ARHGAP28: variants seen among roughly 807,000 people sequenced by gnomAD.
ARHGAP28 encodes Rho GTPase activating protein 28.
Under a neutral mutation model 90.7 loss-of-function variants are expected in ARHGAP28, and 56 were observed. The ratio of observed to expected loss-of-function variants is 0.62; its 90% CI spans 0.50 to 0.77. ARHGAP28 has a LOEUF of 0.77. Among genes scored for constraint, ARHGAP28 ranks in the 30% least tolerant of loss-of-function variants. ARHGAP28 has a pLI of 0.00. For synonymous variants in ARHGAP28, 308 were observed against 323.3 expected, an observed-to-expected ratio of 0.95 and a Z score of 0.51; for missense variants, 869 against 900.9, an observed-to-expected ratio of 0.96 and a Z score of 0.45.
At chr18:6,751,916 A>G (rs1354993175) in intron 1 of ARHGAP28, among the ~76,000 whole-genome samples, 3 of 152,216 alleles carry the variant, frequency 2.0e-5, no homozygotes, top group East Asian at 1.9e-4. Flanking sequence ...TTTCTATTAT[A>G]AGAAATAGCA....
intron 14 of ARHGAP28, among the ~76,000 whole-genome samples, chr18:6,893,662 A>G (rs1054255762): frequency 2.0e-5 from 3 of 152,110 alleles, no homozygotes; most frequent in African/African-American, 7.2e-5. Context: ...ATAATGATCT[A>G]TCTGTTTCAT....
At chr18:6,893,722 A>G (rs573539575) in intron 14 of ARHGAP28, among the ~76,000 whole-genome samples, 1 of 152,240 alleles carries the variant, frequency 6.6e-6, no homozygotes, top group East Asian at 1.9e-4. Context: ...TAAACTGTAC[A>G]TTGCTATATC....
chr18:6,786,625 A>G (rs915727481), intron 1 of ARHGAP28, among the ~76,000 whole-genome samples: 2 of 152,186 alleles, frequency 1.3e-5, no homozygotes, highest in Non-Finnish European at 2.9e-5. Context: ...CTTGCTATTG[A>G]TAGGTGAATC....
Position 6,806,148 on chromosome 18 carries a change from C to T in ARHGAP28, c.123-18614C>T, listed in dbSNP as rs142449112. 9.7e-3 allele frequency among the ~76,000 whole-genome samples: 1,474 copies of T among 152,226 alleles called. 18 individuals are homozygous for T. The highest frequency in any genetic ancestry group is 0.033 in the African/African-American group (1,367 of 41,518). On this transcript the variant is annotated intron_variant, in intron 1 of 17. Transcript: ENST00000383472. ...AGCTCAGGCAGTCCGCCTGCCTCAG[C>T]CTCCCAAAGTGCTGGGATTACAGGT...
In ARHGAP28 at chr18:6,876,223, GTCTC is replaced by G. The variant is rs2057130022; in HGVS notation, c.1290+17_1290+20del. 3 of 1,609,446 alleles carry G rather than the reference GTCTC, an allele frequency of 1.9e-6. No individual in the cohort carries two copies. The highest frequency in any genetic ancestry group is 2.6e-6 in the Non-Finnish European group (3 of 1,175,974). On this transcript the variant is annotated intron_variant, in intron 10 of 17. Coordinates refer to ENST00000383472, the MANE Select transcript of ARHGAP28 (RefSeq NM_001366230.1). ...CTAAAGTCAAGGTACCGAACATTTT[GTCTC>G]TTCCTAGGTAGAGTTCTAAGCTAGC...
intron 2 of ARHGAP28, among the ~76,000 whole-genome samples, chr18:6,827,239 G>T (rs2143792260): frequency 6.6e-6 from 1 of 152,088 alleles, no homozygotes; most frequent in Non-Finnish European, 1.5e-5. Context: ...GGGCAGAGGG[G>T]CTCCTCACTT....
At chr18:6,841,195 C>CCTCTT (rs2056818897) in intron 3 of ARHGAP28, among the ~76,000 whole-genome samples, 5 of 63,364 alleles carry the variant, frequency 7.9e-5, no homozygotes, top group Non-Finnish European at 1.2e-4. Flanking sequence ...CTCTCTCTCT[C>CCTCTT]TCTCTCTCCT....
At chr18:6,869,646 T>C (rs1019359865) in intron 6 of ARHGAP28, among the ~76,000 whole-genome samples, 1 of 152,210 alleles carries the variant, frequency 6.6e-6, no homozygotes, top group African/African-American at 2.4e-5. Flanking sequence ...TTTATATCTG[T>C]TGACTTACAA....
At chr18:6,870,780 T>G (rs75820601) in intron 7 of ARHGAP28, 48 bp downstream of exon 7, 1 of 1,538,700 alleles carries the variant, frequency 6.5e-7, no homozygotes, top group Non-Finnish European at 8.8e-7. Context: ...TGTGACTTCA[T>G]AGGACAAAAC....
intron 1 of ARHGAP28, among the ~76,000 whole-genome samples, chr18:6,738,581 A>C (rs2055948263): frequency 6.9e-6 from 1 of 145,010 alleles, no homozygotes; most frequent in Non-Finnish European, 1.5e-5. Context: ...GAAATCTGAC[A>C]GTGGCTAGAA....
In ARHGAP28 at chr18:6,729,869, G is replaced by A. The variant is rs902840001; in HGVS notation, c.48G>A (p.Ser16=). 2.1e-6 allele frequency: 3 copies of A among 1,435,368 alleles called. No homozygotes were observed. Among genetic ancestry groups the A allele is most frequent in the African/African-American group, 3.0e-5 (2 of 67,472 alleles). 88.9% of individuals were successfully genotyped at this position (1,435,368 alleles called of 1,614,324 possible). ...GCGTGGTGCTGACCGCCTACCACTC[G>A]TACGCGCGCGCCCAGCCCCCCAACG... The part of the protein sequence containing the change: ...SGGVVLTAYH[S]YARAQPPNAE... Residue 16 remains serine (S), a synonymous_variant, in exon 1 of 18, where the codon TCG becomes TCA. Coordinates refer to ENST00000383472, the MANE Select transcript of ARHGAP28 (RefSeq NM_001366230.1).
chr18:6,889,029 AATG>A (rs750390394), intron 12 of ARHGAP28, among the ~76,000 whole-genome samples: 38 of 152,224 alleles, frequency 2.5e-4, no homozygotes, highest in Non-Finnish European at 5.3e-4. Flanking sequence ...GGTTTGGAAT[AATG>A]ATGAGTGAAT....
chr18:6,739,194 A>G (rs1000860571), intron 1 of ARHGAP28, among the ~76,000 whole-genome samples: 1 of 152,172 alleles, frequency 6.6e-6, no homozygotes, highest in Non-Finnish European at 1.5e-5. Context: ...TTAATATATT[A>G]TGGATTTATT....
At chr18:6,759,773 TC>T (rs2143321354) in intron 1 of ARHGAP28, among the ~76,000 whole-genome samples, 1 of 150,810 alleles carries the variant, frequency 6.6e-6, no homozygotes, top group Non-Finnish European at 1.5e-5. Context: ...GCTGCAGAGT[TC>T]CCCTGCTAAA....
intron 17 of ARHGAP28, among the ~76,000 whole-genome samples, chr18:6,909,890 C>T (rs1021217343): frequency 6.6e-6 from 1 of 152,114 alleles, no homozygotes; most frequent in African/African-American, 2.4e-5. Context: ...TCAGCCTTTC[C>T]CTCCCAACTG....
chr18:6,807,238 G>T (rs2056525364), intron 1 of ARHGAP28, among the ~76,000 whole-genome samples: 1 of 152,142 alleles, frequency 6.6e-6, no homozygotes, highest in South Asian at 2.1e-4. Flanking sequence ...GCAGAATAAA[G>T]TTGTAATAAC....
intron 1 of ARHGAP28, among the ~76,000 whole-genome samples, chr18:6,782,613 TTTTTTTTTTTTTTTTTA>T (rs2056334127): frequency 7.7e-6 from 1 of 129,308 alleles, no homozygotes; most frequent in African/African-American, 2.9e-5. Flanking sequence ...TTTTTTTTTT[TTTTTTTTTTTTTTTTTA>T]GTAGAGACGG....
intron 4 of ARHGAP28, among the ~76,000 whole-genome samples, chr18:6,853,818 C>A (rs2056930072): frequency 6.6e-6 from 1 of 152,150 alleles, no homozygotes; most frequent in African/African-American, 2.4e-5. Flanking sequence ...GGAAGCCCTA[C>A]TTCAAGTTGT....
At chr18:6,809,809 C>T (rs570440932) in intron 1 of ARHGAP28, among the ~76,000 whole-genome samples, 3 of 152,184 alleles carry the variant, frequency 2.0e-5, no homozygotes, top group Admixed American at 6.5e-5. Flanking sequence ...GACACAGAGC[C>T]GAACCATATC....
Sources: gnomAD v4.1 joint callset for allele counts (sites outside exome capture counted in the v4.1 genomes callset) on GRCh38, gnomAD v4.1.1 for gene constraint, MANE v1.5 for transcripts, NCBI Gene and HGNC (gene_info 2026-07-23, HGNC 2026-07-21) for gene names.